CLIC5: variants seen among roughly 807,000 people sequenced by gnomAD.
The protein encoded by CLIC5 is CLIC family member 5, also known as chloride intracellular channel protein 5.
CLIC5 carries 20 observed loss-of-function variants against 24.7 expected under a neutral mutation model. That is an observed-to-expected ratio of 0.81 (90% CI 0.57 to 1.18). The LOEUF is 1.18. CLIC5 is among the 50% of genes most tolerant of loss of function. The pLI is 0.00. For missense variants in CLIC5, 341 were observed against 326.1 expected, an observed-to-expected ratio of 1.05 and a Z score of -0.35; for synonymous variants, 159 against 135.6, an observed-to-expected ratio of 1.17 and a Z score of -1.20.
intron 4 of CLIC5, among the ~76,000 whole-genome samples, chr6:45,921,800 C>T (rs1439485793): frequency 1.3e-5 from 2 of 152,136 alleles, no homozygotes; most frequent in African/African-American, 2.4e-5. Flanking sequence ...TTGCTCTCTC[C>T]AGGCCACATG....
At position 45,912,155 on chromosome 6, in the gene CLIC5, G is replaced by A. The variant is rs1036754640; in HGVS notation, c.588+2073C>T. ...CAGCCCAGATTAAGTTTTGGCATCC[G>A]AAGCCAAACTGGAGGCCTGACTTGG... On this transcript the variant is annotated intron_variant, in intron 5 of 5. Coordinates refer to ENST00000339561, the MANE Select transcript of CLIC5 (RefSeq NM_016929.5). 7.1e-6 allele frequency: 7 copies of A among 986,246 alleles called. No individual in the cohort carries two copies. The South Asian group carries it at 1.9e-4, about 26-fold the overall frequency. The allele number at this position is 986,246 out of a possible 1,614,324, so 61.1% of individuals were successfully genotyped here.
At chr6:45,947,545 T>C (rs1279562120) in intron 3 of CLIC5, among the ~76,000 whole-genome samples, 1 of 152,046 alleles carries the variant, frequency 6.6e-6, no homozygotes, top group African/African-American at 2.4e-5. Flanking sequence ...CACTTTCCAC[T>C]TCCTAATGAT....
intron 1 of CLIC5, among the ~76,000 whole-genome samples, chr6:46,055,638 G>A: frequency 6.6e-6 from 1 of 152,244 alleles, no homozygotes; most frequent in East Asian, 1.9e-4. Flanking sequence ...GGCAAGAACA[G>A]TGTCTTTTTC....
At chr6:46,111,833 T>C in the CLIC5 span, among the ~76,000 whole-genome samples, 1 of 152,148 alleles carries the variant, frequency 6.6e-6, no homozygotes, top group Non-Finnish European at 1.5e-5. Context: ...GGGTCTTTCC[T>C]GTGCTGTTCT....
At chr6:45,897,503 G>A (rs186420725), downstream of CLIC5, among the ~76,000 whole-genome samples, 54 of 152,224 alleles carry the variant, frequency 3.5e-4, no homozygotes, top group East Asian at 5.4e-3. Context: ...GATGGGAGTC[G>A]GGATGGTGGG....
chr6:46,124,647 G>A, the CLIC5 span, among the ~76,000 whole-genome samples: 4 of 152,242 alleles, frequency 2.6e-5, no homozygotes, highest in East Asian at 7.7e-4. Context: ...GCAACCTACA[G>A]AATGGGAGAA....
At chr6:45,966,777 T>G (rs1765028386) in intron 1 of CLIC5, among the ~76,000 whole-genome samples, 1 of 152,218 alleles carries the variant, frequency 6.6e-6, no homozygotes. Context: ...CTGAAAGAAG[T>G]GCACCATTTT....
At chr6:45,997,432 C>A (rs1299408637) in intron 1 of CLIC5, among the ~76,000 whole-genome samples, 5 of 148,006 alleles carry the variant, frequency 3.4e-5, no homozygotes, top group Admixed American at 2.0e-4. Context: ...TGCAGCGCAC[C>A]AGCATGGCAC....
intron 1 of CLIC5, among the ~76,000 whole-genome samples, chr6:46,050,853 ATG>A (rs56660827): frequency 1.5e-4 from 23 of 148,596 alleles, no homozygotes; most frequent in South Asian, 4.4e-4. Context: ...GTGTGTGTGT[ATG>A]TGTGTGTGTG....
At chr6:45,894,403 G>T (rs945348251), downstream of CLIC5, among the ~76,000 whole-genome samples, 1 of 152,146 alleles carries the variant, frequency 6.6e-6, no homozygotes, top group Non-Finnish European at 1.5e-5. Flanking sequence ...CTTCATTATA[G>T]CATCAATTGA....
intron 1 of CLIC5, among the ~76,000 whole-genome samples, chr6:46,009,493 G>C (rs1032023955): frequency 2.6e-5 from 4 of 152,096 alleles, no homozygotes; most frequent in Non-Finnish European, 5.9e-5. Context: ...CTACATCTTA[G>C]GAAACTCATG....
At chr6:45,889,239 C>T (rs1314654622) in intron 6 of CLIC5, among the ~76,000 whole-genome samples, 1 of 152,104 alleles carries the variant, frequency 6.6e-6, no homozygotes, top group Admixed American at 6.5e-5. Context: ...TGGTTGCAGA[C>T]AGCTGTTATC....
intron 4 of CLIC5, among the ~76,000 whole-genome samples, chr6:45,938,278 G>GT (rs1223555665): frequency 2.6e-5 from 4 of 152,190 alleles, no homozygotes; most frequent in Non-Finnish European, 5.9e-5. Flanking sequence ...CTCTGGGACC[G>GT]TAACACAGGA....
chr6:45,945,402 G>T (rs1287048254), intron 3 of CLIC5, among the ~76,000 whole-genome samples: 3 of 152,086 alleles, frequency 2.0e-5, no homozygotes, highest in Non-Finnish European at 4.4e-5. Context: ...ATCACGTGTG[G>T]ATTCTGACCA....
chr6:46,067,320 G>C (rs895875790), intron 1 of CLIC5, among the ~76,000 whole-genome samples: 7 of 151,808 alleles, frequency 4.6e-5, no homozygotes, highest in African/African-American at 1.7e-4. Flanking sequence ...TAAAAAATGG[G>C]AGTTCAAAAA....
intron 1 of CLIC5, among the ~76,000 whole-genome samples, chr6:46,002,913 G>A (rs181649230): frequency 5.3e-5 from 8 of 152,280 alleles, no homozygotes; most frequent in Admixed American, 2.0e-4. Flanking sequence ...CCTCTTGCTC[G>A]CCATTGGGAA....
At chr6:46,023,154 C>A (rs1767231999) in intron 1 of CLIC5, among the ~76,000 whole-genome samples, 1 of 152,130 alleles carries the variant, frequency 6.6e-6, no homozygotes, top group African/African-American at 2.4e-5. Context: ...GTGAAATGGA[C>A]ATTACAGTGT....
At chr6:45,995,107 A>G (rs993022301) in intron 1 of CLIC5, among the ~76,000 whole-genome samples, 1 of 152,158 alleles carries the variant, frequency 6.6e-6, no homozygotes, top group Non-Finnish European at 1.5e-5. Context: ...CACCCCAGAT[A>G]CCAGGCAGGC....
the CLIC5 span, among the ~76,000 whole-genome samples, chr6:46,122,264 G>C: frequency 6.6e-6 from 1 of 152,138 alleles, no homozygotes; most frequent in Non-Finnish European, 1.5e-5. Context: ...CTAGAACTCA[G>C]GATTAAGAAA....
Sources: gnomAD v4.1 joint callset for allele counts (sites outside exome capture counted in the v4.1 genomes callset) on GRCh38, gnomAD v4.1.1 for gene constraint, MANE v1.5 for transcripts, NCBI Gene and HGNC (gene_info 2026-07-23, HGNC 2026-07-21) for gene names.